Variants in ANGPT1 observed in about 807,000 individuals in gnomAD.
ANGPT1 encodes angiopoietin-1.
In ANGPT1, 17 loss-of-function variants were observed where a neutral mutation model predicts 62.2. The ratio of observed to expected loss-of-function variants is 0.27; its 90% CI spans 0.19 to 0.41. ANGPT1 has a LOEUF of 0.41. ANGPT1 is among the 10% of genes least tolerant of loss of function. The probability of loss-of-function intolerance (pLI) is 1.00; values close to 1 mark genes in which losing one functional copy is unlikely to be tolerated. For synonymous variants in ANGPT1, 199 were observed against 198.9 expected (o/e 1.00, Z 0.00); for missense variants, 478 against 594.9 (o/e 0.80, Z 2.04).
intron 1 of ANGPT1, among the ~76,000 whole-genome samples, chr8:107,366,998 GA>G (rs1393774196): frequency 6.6e-6 from 1 of 152,076 alleles, no homozygotes; most frequent in Non-Finnish European, 1.5e-5. Context: ...AACAACGGGG[GA>G]ATAGACCCTG....
chr8:107,479,419 A>C (rs971444724), intron 1 of ANGPT1, among the ~76,000 whole-genome samples: 3 of 152,172 alleles, frequency 2.0e-5, no homozygotes, highest in African/African-American at 7.2e-5. Context: ...TAAGCAAAGC[A>C]CCTCATATAT....
intron 1 of ANGPT1, among the ~76,000 whole-genome samples, chr8:107,481,683 T>TG (rs1298996435): frequency 2.0e-5 from 3 of 152,086 alleles, no homozygotes; most frequent in South Asian, 2.1e-4. Context: ...TCCCAGTGTC[T>TG]GGGGGGAGGC....
At chr8:107,280,148 A>C (rs1183629420) in intron 7 of ANGPT1, among the ~76,000 whole-genome samples, 1 of 152,076 alleles carries the variant, frequency 6.6e-6, no homozygotes, top group East Asian at 1.9e-4. Context: ...ACCAGTCATT[A>C]GATACAATGT....
intron 1 of ANGPT1, among the ~76,000 whole-genome samples, chr8:107,462,214 C>A (rs1812088541): frequency 6.6e-6 from 1 of 151,762 alleles, no homozygotes; most frequent in African/African-American, 2.4e-5. Flanking sequence ...ATGACACTGG[C>A]AATGAAAATA....
In ANGPT1 at chr8:107,444,510, A is replaced by G. The variant is rs548679075; in HGVS notation, c.297+52752T>C. On this transcript the variant is annotated intron_variant, in intron 1 of 8. Coordinates refer to ENST00000517746, the MANE Select transcript of ANGPT1 (RefSeq NM_001146.5). ...TCCTATCCCTCATTCTCAGTGAAAC[A>G]AAACCACTCTGTAAATGCAAATGAA... Among the ~76,000 whole-genome samples the G allele has an allele frequency of 3.3e-5, 5 of 152,310 alleles. No homozygotes were observed. In the East Asian group the frequency reaches 9.6e-4, roughly 29 times the overall value.
At chr8:107,324,698 C>T (rs1484987068) in intron 3 of ANGPT1, among the ~76,000 whole-genome samples, 1 of 152,168 alleles carries the variant, frequency 6.6e-6, no homozygotes, top group Non-Finnish European at 1.5e-5. Flanking sequence ...AGGAAAGCTG[C>T]CTGTGAAGTC....
intron 3 of ANGPT1, among the ~76,000 whole-genome samples, chr8:107,330,175 G>A (rs1815387221): frequency 1.3e-5 from 2 of 152,154 alleles, no homozygotes; most frequent in African/African-American, 2.4e-5. Context: ...AAACACTGCT[G>A]CTCATGTCAG....
intron 1 of ANGPT1, among the ~76,000 whole-genome samples, chr8:107,475,486 G>A (rs1344401938): frequency 6.6e-6 from 1 of 152,080 alleles, no homozygotes; most frequent in African/African-American, 2.4e-5. Context: ...AAAAACCCTA[G>A]AAGAAAACCT....
Position 107,303,049 on chromosome 8 carries a change from T to G in ANGPT1, c.936+191A>C, listed in dbSNP as rs4472483. Among the ~76,000 whole-genome samples, 91,440 of 151,544 alleles carry G rather than the reference T, an allele frequency of 0.6. 28,548 individuals carry two copies. The highest frequency in any genetic ancestry group is 0.78 in the African/African-American group (32,302 of 41,386). On this transcript the variant is annotated intron_variant, in intron 5 of 8. Coordinates refer to ENST00000517746, the MANE Select transcript of ANGPT1 (RefSeq NM_001146.5). ...AATTTTGTGTGAAAGAAAAGGTGTG[T>G]GGATTGGGGATTTCTGTACAATAGG...
chr8:107,336,160 C>T lies in ANGPT1; in HGVS notation c.565G>A (p.Glu189Lys), dbSNP rs1464670875. The change falls in exon 3 of 9, where the codon GAA (glutamate) becomes AAA (lysine). Residue 189 changes from glutamate (E) to lysine (K), a missense_variant. Physicochemically the swap from Glu to Lys is moderately conservative, Grantham distance 56. Around this residue, in one of 4 missense-constraint regions of ANGPT1, gnomAD observed 343 missense variants for 355.4 expected, o/e 0.97. Coordinates refer to ENST00000517746, the MANE Select transcript of ANGPT1 (RefSeq NM_001146.5). ...TAAAGCAATCCTCACCTGTTTTTTT[C>T]ATGGATCTTCAAGATTTCATTTGTC... is the stretch of plus-strand genomic sequence containing the variant. The part of the protein sequence containing the change: ...QQTNEILKIH[E>K]KNSLLEHKIL... The T allele has an allele frequency of 3.8e-6, 6 of 1,596,558 alleles. No individual in the cohort carries two copies. The Admixed American group carries it at 5.5e-5, about 15-fold the overall frequency.
chr8:107,318,002 C>G (rs567369829), intron 4 of ANGPT1, among the ~76,000 whole-genome samples: 1 of 152,098 alleles, frequency 6.6e-6, no homozygotes, highest in African/African-American at 2.4e-5. Flanking sequence ...TGTTTGTATG[C>G]CTTATTAATG....
intron 1 of ANGPT1, among the ~76,000 whole-genome samples, chr8:107,411,603 G>A (rs1449553379): frequency 3.3e-5 from 5 of 152,078 alleles, no homozygotes; most frequent in African/African-American, 1.2e-4. Context: ...TTAACTTGTT[G>A]AAAACCAAAG....
At chr8:107,425,774 A>C (rs1212113106) in intron 1 of ANGPT1, among the ~76,000 whole-genome samples, 1 of 152,208 alleles carries the variant, frequency 6.6e-6, no homozygotes, top group Non-Finnish European at 1.5e-5. Context: ...AAAGCAAAAG[A>C]AAATATGAAA....
At position 107,249,701 on chromosome 8, in the gene ANGPT1, A is replaced by T. The variant is rs1813205989; in HGVS notation, c.*2154T>A. 6.6e-6 allele frequency: 1 copy of T among 152,198 alleles called. No homozygotes were observed. The highest frequency in any genetic ancestry group is 2.1e-4 in the South Asian group (1 of 4,836). The allele number at this position is 152,198 out of a possible 1,614,324, so 9.4% of individuals were successfully genotyped here. A position where few individuals can be genotyped will look rare whatever the true frequency, so the allele number is the denominator to read the frequency against. On this transcript the variant is annotated 3_prime_UTR_variant, in exon 9 of 9. Transcript: ENST00000517746. Reference sequence around the variant, plus strand: ...AAAACATTTTATACTGATTTATTATAAATAATTGGAAACAATATTTCATTT... The same window carrying T: ...AAAACATTTTATACTGATTTATTATTAATAATTGGAAACAATATTTCATTT...
chr8:107,452,823 A>T (rs576332889), intron 1 of ANGPT1, among the ~76,000 whole-genome samples: 2 of 152,190 alleles, frequency 1.3e-5, no homozygotes, highest in South Asian at 4.1e-4. Flanking sequence ...AATATATTTG[A>T]CACATAGTAC....
chr8:107,400,340 C>G (rs1817020300), intron 1 of ANGPT1, among the ~76,000 whole-genome samples: 1 of 152,152 alleles, frequency 6.6e-6, no homozygotes. Flanking sequence ...TCAGTTTATT[C>G]CCTGCTATAG....
Position 107,293,960 on chromosome 8 carries a change from T to G in ANGPT1, c.1014A>C (p.Gln338His), listed in dbSNP as rs1563554221. 6.2e-7 allele frequency: 1 copy of G among 1,613,404 alleles called. No individual in the cohort carries two copies. Among genetic ancestry groups the G allele is most frequent in the Non-Finnish European group, 8.5e-7 (1 of 1,179,670 alleles). The change falls in exon 6 of 9, where the codon CAA becomes CAC. Residue 338 changes from glutamine (Q) to histidine (H), a missense_variant. By Grantham distance (24) the Gln-to-His change is conservative. Transcript: ENST00000517746. ...QHREDGSLDFQRGWKEYKMGF... is the reference protein window; with the variant it reads ...QHREDGSLDFHRGWKEYKMGF... ...CCATTTTATATTCCTTCCAGCCTCT[T>G]TGGAAATCTAGACTTCCATCTTCAC...
intron 1 of ANGPT1, among the ~76,000 whole-genome samples, chr8:107,350,127 A>G (rs1815901492): frequency 6.6e-6 from 1 of 152,168 alleles, no homozygotes; most frequent in Non-Finnish European, 1.5e-5. Flanking sequence ...TTCTCATTGA[A>G]GAAAGTGATG....
At chr8:107,489,235 A>AT (rs761427651) in intron 1 of ANGPT1, among the ~76,000 whole-genome samples, 1 of 152,044 alleles carries the variant, frequency 6.6e-6, no homozygotes, top group Admixed American at 6.6e-5. Flanking sequence ...AGATATTCAG[A>AT]TTTTTTTCAC....
Sources: gnomAD v4.1 joint callset for allele counts (sites outside exome capture counted in the v4.1 genomes callset) on GRCh38, gnomAD v4.1.1 for gene constraint, gnomAD v4.1.1 regional missense constraint, MANE v1.5 for transcripts, NCBI Gene and HGNC (gene_info 2026-07-23, HGNC 2026-07-21) for gene names.